The following ST6GAL1 variants were observed in gnomAD, a reference collection of about 807,000 sequenced individuals.
ST6GAL1 encodes ST6 beta-galactoside alpha-2,6-sialyltransferase 1, also known as beta-galactoside alpha-2,6-sialyltransferase 1.
Under a neutral mutation model 38.0 loss-of-function variants are expected in ST6GAL1, and 20 were observed. The observed-to-expected ratio is 0.53, with a 90% CI of 0.37 to 0.77. The LOEUF (loss-of-function observed/expected upper bound fraction) is 0.77, where lower values mean the gene tolerates loss of function less well. Ranked by LOEUF, ST6GAL1 falls within the 30% of genes least tolerant of loss-of-function variation. The pLI, the probability that ST6GAL1 is intolerant of heterozygous loss-of-function variation, is 0.00. For synonymous variants in ST6GAL1, 196 were observed against 188.2 expected (o/e 1.04, Z -0.34); for missense variants, 432 against 496.4 (o/e 0.87, Z 1.23).
At chr3:187,072,763 G>C (rs768758246) in intron 5 of ST6GAL1, 86 bp from the exon 6 acceptor site, 3 of 1,197,854 alleles carry the variant, frequency 2.5e-6, no homozygotes, top group African/African-American at 1.5e-5. Context: ...GCCTCAGGCT[G>C]TACCTTGTGC....
chr3:187,065,498 TGA>T (rs1459389801), intron 5 of ST6GAL1, among the ~76,000 whole-genome samples: 1 of 152,228 alleles, frequency 6.6e-6, no homozygotes, highest in Non-Finnish European at 1.5e-5. Context: ...GGTGTGGCTA[TGA>T]GAGTCAACAG....
At chr3:186,983,004 A>C (rs13097481) in intron 2 of ST6GAL1, among the ~76,000 whole-genome samples, 59,582 of 151,742 alleles carry the variant, frequency 0.39, 12,519 homozygotes, top group Non-Finnish European at 0.48. Flanking sequence ...TTTTAATAGT[A>C]ATCTAATTAC....
intron 2 of ST6GAL1, among the ~76,000 whole-genome samples, chr3:187,018,806 G>A (rs1315399873): frequency 6.6e-6 from 1 of 152,184 alleles, no homozygotes; most frequent in Non-Finnish European, 1.5e-5. Flanking sequence ...GGCATGCTAA[G>A]CAAGAATTGT....
At chr3:187,066,595 TGC>T (rs1321212246) in intron 5 of ST6GAL1, among the ~76,000 whole-genome samples, 18 of 104,692 alleles carry the variant, frequency 1.7e-4, no homozygotes, top group South Asian at 1.7e-3. Context: ...AAGATGTGCG[TGC>T]GTGCGTGTGT....
chr3:186,956,549 C>T (rs557022108), intron 1 of ST6GAL1, among the ~76,000 whole-genome samples: 10 of 152,312 alleles, frequency 6.6e-5, no homozygotes, highest in Admixed American at 2.6e-4. Flanking sequence ...CGAGGCCTCT[C>T]GCTGCTCCCA....
chr3:187,022,318 G>C (rs558011399), intron 2 of ST6GAL1, among the ~76,000 whole-genome samples: 1 of 152,172 alleles, frequency 6.6e-6, no homozygotes. Flanking sequence ...TGAGAGCAGA[G>C]GAAAGATGGC....
chr3:187,073,797 G>A (rs1322748686), intron 6 of ST6GAL1: 1 of 172,428 alleles, frequency 5.8e-6, no homozygotes, highest in Non-Finnish European at 1.2e-5. Flanking sequence ...TGAACCCATA[G>A]ATGTCCTATG....
chr3:186,993,576 A>T (rs932598742), intron 2 of ST6GAL1, among the ~76,000 whole-genome samples: 1 of 132,400 alleles, frequency 7.6e-6, no homozygotes, highest in South Asian at 2.4e-4. Context: ...TTATTTATTT[A>T]TTTATTTATT....
intron 1 of ST6GAL1, among the ~76,000 whole-genome samples, chr3:186,934,214 C>T (rs1713859016): frequency 6.6e-6 from 1 of 152,154 alleles, no homozygotes; most frequent in Admixed American, 6.5e-5. Flanking sequence ...GGTTTGGGGT[C>T]ATCTTCCTGT....
At chr3:186,937,103 A>G (rs573056028) in intron 1 of ST6GAL1, among the ~76,000 whole-genome samples, 3 of 151,790 alleles carry the variant, frequency 2.0e-5, no homozygotes, top group East Asian at 3.9e-4. Flanking sequence ...AAATGGATAT[A>G]TTTTTTGTAA....
Position 186,989,248 on chromosome 3 carries a change from T to C in ST6GAL1, c.-183+25322T>C, listed in dbSNP as rs369784951. The stretch of plus-strand genomic sequence containing the variant: ...ACTATTTAGCTTGAAAAAGAGAAGG[T>C]TTAGAAGAGTGCCATAGTCTTAAAA... On this transcript the variant is annotated intron_variant, in intron 2 of 7. Coordinates refer to ENST00000169298, the MANE Select transcript of ST6GAL1 (RefSeq NM_173216.2). Among the ~76,000 whole-genome samples the C allele has an allele frequency of 2.1e-4, 32 of 152,252 alleles. No homozygotes were observed. The South Asian group carries it at 5.8e-3, about 28-fold the overall frequency.
At chr3:187,025,084 T>G (rs1230955426) in intron 2 of ST6GAL1, among the ~76,000 whole-genome samples, 1 of 150,590 alleles carries the variant, frequency 6.6e-6, no homozygotes, top group Non-Finnish European at 1.5e-5. Context: ...CTCCCAGGGG[T>G]GGTACGATTC....
At chr3:186,948,277 C>T (rs532731625) in intron 1 of ST6GAL1, among the ~76,000 whole-genome samples, 5 of 152,324 alleles carry the variant, frequency 3.3e-5, no homozygotes, top group African/African-American at 1.2e-4. Context: ...GAAAGAGGGA[C>T]CAGGAAGGAT....
chr3:186,998,675 C>T (rs189941915), intron 2 of ST6GAL1, among the ~76,000 whole-genome samples: 1 of 152,294 alleles, frequency 6.6e-6, no homozygotes, highest in African/African-American at 2.4e-5. Flanking sequence ...TTTTATTTAA[C>T]TCAATATATT....
At chr3:186,968,553 G>A (rs1715230858) in intron 2 of ST6GAL1, among the ~76,000 whole-genome samples, 1 of 152,054 alleles carries the variant, frequency 6.6e-6, no homozygotes, top group South Asian at 2.1e-4. Context: ...TCCATCCTCA[G>A]GCAACCACTG....
At chr3:186,995,632 T>C (rs1716378462) in intron 2 of ST6GAL1, among the ~76,000 whole-genome samples, 1 of 151,632 alleles carries the variant, frequency 6.6e-6, no homozygotes, top group Non-Finnish European at 1.5e-5. Flanking sequence ...TCACCTGAGG[T>C]CAGGAGTTCG....
intron 4 of ST6GAL1, among the ~76,000 whole-genome samples, chr3:187,045,358 A>C (rs1718261074): frequency 6.6e-6 from 1 of 151,996 alleles, no homozygotes; most frequent in South Asian, 2.1e-4. Context: ...TGCCTCCAGC[A>C]GTCTCACAAA....
At chr3:187,070,731 G>C (rs955328914) in intron 5 of ST6GAL1, among the ~76,000 whole-genome samples, 1 of 151,918 alleles carries the variant, frequency 6.6e-6, no homozygotes, top group Non-Finnish European at 1.5e-5. Context: ...CCCAACACTC[G>C]CTCACTTTAT....
At chr3:186,931,017 T>G (rs1249490726) in intron 1 of ST6GAL1, 183 bp downstream of exon 1, 2 of 152,506 alleles carry the variant, frequency 1.3e-5, no homozygotes, top group African/African-American at 4.8e-5. Context: ...TGGTTGGGGG[T>G]GTGTGCATTT....
Sources: allele counts gnomAD v4.1 joint callset (sites outside exome capture counted in the v4.1 genomes callset), GRCh38; gene constraint gnomAD v4.1.1; transcripts MANE v1.5; gene names NCBI Gene and HGNC (gene_info 2026-07-23, HGNC 2026-07-21).